Variants in ROBO2 observed in about 807,000 individuals in gnomAD.
ROBO2 encodes roundabout homolog 2.
ROBO2 carries 53 observed loss-of-function variants against 160.8 expected under a neutral mutation model. That is an observed-to-expected ratio of 0.33 (90% CI 0.26 to 0.41). ROBO2 has a LOEUF of 0.41. Ranked by LOEUF, ROBO2 falls within the 10% of genes least tolerant of loss-of-function variation. ROBO2 has a pLI of 1.00. For synonymous variants in ROBO2, 664 were observed against 611.7 expected (o/e 1.09, Z -1.26); for missense variants, 1,577 against 1,722.4 (o/e 0.92, Z 1.49).
At chr3:77,411,653 T>TA (rs1220515587) in intron 2 of ROBO2, among the ~76,000 whole-genome samples, 1 of 152,144 alleles carries the variant, frequency 6.6e-6, no homozygotes, top group Non-Finnish European at 1.5e-5. Flanking sequence ...ATAATTTGTG[T>TA]AAAAATGGAG....
At chr3:77,037,941 C>T (rs193055798), upstream of ROBO2, among the ~76,000 whole-genome samples, 195 of 152,224 alleles carry the variant, frequency 1.3e-3, no homozygotes, top group African/African-American at 4.6e-3. Flanking sequence ...AGGAAATTTG[C>T]CCGAGATAAG....
chr3:76,526,026 A>G (rs189874477), intron 2 of ROBO2, among the ~76,000 whole-genome samples: 144 of 152,064 alleles, frequency 9.5e-4, no homozygotes, highest in African/African-American at 3.4e-3. Flanking sequence ...CAGATGACAA[A>G]TCATTCAAAT....
chr3:76,714,180 C>T (rs537253822), intron 2 of ROBO2, among the ~76,000 whole-genome samples: 2 of 152,056 alleles, frequency 1.3e-5, no homozygotes, highest in South Asian at 4.1e-4. Flanking sequence ...AAAATTTTGC[C>T]CATGTGCAGC....
intron 1 of ROBO2, among the ~76,000 whole-genome samples, chr3:77,063,736 G>A (rs895191383): frequency 2.0e-5 from 3 of 152,120 alleles, no homozygotes; most frequent in African/African-American, 7.2e-5. Flanking sequence ...GAATTCAATC[G>A]AGATGGCCCA....
At chr3:76,603,272 C>T (rs1297070361) in intron 2 of ROBO2, among the ~76,000 whole-genome samples, 1 of 142,238 alleles carries the variant, frequency 7.0e-6, no homozygotes, top group African/African-American at 2.7e-5. Flanking sequence ...GCAGAGCTTG[C>T]AGTGAGCCAA....
In ROBO2 at chr3:76,626,527, TG is replaced by T. The variant is rs1357206925; in HGVS notation, c.110-471486del. 2.6e-5 allele frequency among the ~76,000 whole-genome samples: 4 copies of T among 151,994 alleles called. No individual in the cohort carries two copies. In the East Asian group the frequency reaches 7.7e-4, roughly 29 times the overall value. On this transcript the variant is annotated intron_variant, in intron 2 of 26. Coordinates refer to the ROBO2 transcript ENST00000487694. ...ATAAAGAAGTATTTTGTGGAAGGAG[TG>T]ATCAAACATGTCTAATGTTGCTGCT...
At chr3:76,231,360 C>T (rs1192828378) in intron 2 of ROBO2, among the ~76,000 whole-genome samples, 1 of 152,142 alleles carries the variant, frequency 6.6e-6, no homozygotes, top group Non-Finnish European at 1.5e-5. Context: ...CACTGCTCTG[C>T]GGTTTTATGT....
intron 2 of ROBO2, among the ~76,000 whole-genome samples, chr3:77,005,858 A>C (rs973775113): frequency 6.6e-6 from 1 of 152,218 alleles, no homozygotes; most frequent in Non-Finnish European, 1.5e-5. Context: ...CAGAATTGGC[A>C]CTATTCATAA....
chr3:77,268,405 A>T (rs2059273599), intron 2 of ROBO2, among the ~76,000 whole-genome samples: 1 of 152,204 alleles, frequency 6.6e-6, no homozygotes, highest in Non-Finnish European at 1.5e-5. Context: ...GACCCATTCC[A>T]GCAGAAAGAC....
At chr3:76,210,648 A>G (rs1184840879) in intron 2 of ROBO2, among the ~76,000 whole-genome samples, 1 of 152,114 alleles carries the variant, frequency 6.6e-6, no homozygotes, top group African/African-American at 2.4e-5. Context: ...CTAGCTTTTA[A>G]TATTACATTT....
chr3:77,564,970 A>T, exon 12 of ROBO2: 1 of 1,613,500 alleles, frequency 6.2e-7, no homozygotes, highest in South Asian at 1.1e-5. Flanking sequence ...AGTGAGCAAC[A>T]GCTGGCAGAC....
At chr3:76,920,510 T>C (rs2076589427) in intron 2 of ROBO2, among the ~76,000 whole-genome samples, 1 of 152,230 alleles carries the variant, frequency 6.6e-6, no homozygotes, top group Non-Finnish European at 1.5e-5. Context: ...TGGTTTCTTC[T>C]ATGAAGCAGA....
intron 2 of ROBO2, among the ~76,000 whole-genome samples, chr3:76,888,824 G>A (rs893355844): frequency 6.6e-6 from 1 of 152,172 alleles, no homozygotes; most frequent in African/African-American, 2.4e-5. Flanking sequence ...ATGTTCACAC[G>A]TATGTAATGT....
chr3:77,562,125 T>C (rs1411074739), intron 9 of ROBO2, among the ~76,000 whole-genome samples: 1 of 152,174 alleles, frequency 6.6e-6, no homozygotes, highest in East Asian at 1.9e-4. Flanking sequence ...AAAGTTCTTT[T>C]TCTTCTTCAC....
At chr3:77,530,149 G>T (rs141618107) in intron 6 of ROBO2, among the ~76,000 whole-genome samples, 2 of 151,992 alleles carry the variant, frequency 1.3e-5, no homozygotes, top group Non-Finnish European at 2.9e-5. Flanking sequence ...CAAGGTAGAG[G>T]CCACAGAAAG....
intron 2 of ROBO2, among the ~76,000 whole-genome samples, chr3:76,456,224 G>T (rs1011281066): frequency 1.3e-5 from 2 of 152,158 alleles, no homozygotes. Context: ...CTGGATGAAT[G>T]TTGCAACTGC....
chr3:77,178,462 C>T (rs573123630), intron 2 of ROBO2, among the ~76,000 whole-genome samples: 1 of 152,148 alleles, frequency 6.6e-6, no homozygotes, highest in Admixed American at 6.6e-5. Flanking sequence ...GATCTCAAAT[C>T]TCCAACACTT....
Position 76,250,698 on chromosome 3 carries a change from C to T in ROBO2, c.109+313096C>T, listed in dbSNP as rs530618367. 4.6e-5 allele frequency among the ~76,000 whole-genome samples: 7 copies of T among 151,886 alleles called. No individual in the cohort carries two copies. The East Asian group carries it at 5.8e-4, about 13-fold the overall frequency. On this transcript the variant is annotated intron_variant, in intron 2 of 26. Coordinates refer to the ROBO2 transcript ENST00000487694. ...CTGTTGACATATCTGGTAAAGCACT[C>T]GAAACAATGCTTTGCAAATTTTAAG...
At chr3:76,710,250 A>C (rs529136978) in intron 2 of ROBO2, among the ~76,000 whole-genome samples, 3 of 151,924 alleles carry the variant, frequency 2.0e-5, no homozygotes, top group Non-Finnish European at 4.4e-5. Context: ...CCTCCCGAGT[A>C]GCTGGGACTA....
Sources: allele counts gnomAD v4.1 joint callset (sites outside exome capture counted in the v4.1 genomes callset), GRCh38; gene constraint gnomAD v4.1.1; transcripts MANE v1.5; gene names NCBI Gene and HGNC (gene_info 2026-07-23, HGNC 2026-07-21).